Variants in SH3RF3 observed in about 807,000 individuals in gnomAD.
SH3RF3 encodes the protein E3 ubiquitin-protein ligase SH3RF3.
In SH3RF3, 29 loss-of-function variants were observed where a neutral mutation model predicts 66.3. The ratio of observed to expected loss-of-function variants is 0.44; its 90% CI spans 0.33 to 0.60. The LOEUF is 0.60. Ranked by LOEUF, SH3RF3 falls within the 20% of genes least tolerant of loss-of-function variation. The probability of loss-of-function intolerance (pLI) is 0.04; values close to 1 mark genes in which losing one functional copy is unlikely to be tolerated. For synonymous variants in SH3RF3, 583 were observed against 532.0 expected, an observed-to-expected ratio of 1.10 and a Z score of -1.32; for missense variants, 1,194 against 1,190.9, an observed-to-expected ratio of 1.00 and a Z score of -0.04.
At chr2:109,365,257 A>G (rs1181647980) in intron 2 of SH3RF3, among the ~76,000 whole-genome samples, 2 of 152,176 alleles carry the variant, frequency 1.3e-5, no homozygotes, top group African/African-American at 4.8e-5. Context: ...CTTGAGGCAC[A>G]ATTCACAAAG....
intron 1 of SH3RF3, among the ~76,000 whole-genome samples, chr2:109,268,190 C>A (rs1021329789): frequency 6.6e-6 from 1 of 152,036 alleles, no homozygotes; most frequent in Non-Finnish European, 1.5e-5. Context: ...AGGGGATGGG[C>A]AGGCTAGAAT....
At chr2:109,449,619 G>T in intron 8 of SH3RF3, 130 bp downstream of exon 8, 3 of 1,213,452 alleles carry the variant, frequency 2.5e-6, no homozygotes, top group East Asian at 2.7e-5. Context: ...GCCCCTAGAT[G>T]AACCAGGCGT....
intron 1 of SH3RF3, among the ~76,000 whole-genome samples, chr2:109,272,074 G>T (rs1002888672): frequency 6.6e-6 from 1 of 152,110 alleles, no homozygotes; most frequent in African/African-American, 2.4e-5. Context: ...TCATGGCCGG[G>T]CCTCCTGCCC....
intron 1 of SH3RF3, among the ~76,000 whole-genome samples, chr2:109,336,143 A>G (rs1416310260): frequency 6.6e-6 from 1 of 152,228 alleles, no homozygotes; most frequent in African/African-American, 2.4e-5. Flanking sequence ...AATATCTTAA[A>G]GAAAGTCAAA....
chr2:109,496,912 GAGA>G (rs1465977298), intron 9 of SH3RF3, among the ~76,000 whole-genome samples: 1 of 152,202 alleles, frequency 6.6e-6, no homozygotes, highest in Non-Finnish European at 1.5e-5. Context: ...AGAGGCAGAG[GAGA>G]AGGTCAGAGT....
At chr2:109,432,400 A>G (rs950526430) in intron 5 of SH3RF3, 101 bp from the exon 6 acceptor site, 17 of 1,462,862 alleles carry the variant, frequency 1.2e-5, no homozygotes, top group African/African-American at 2.8e-5. Context: ...GGGTCTTTTT[A>G]GGTTGGGTTC....
Position 109,493,535 on chromosome 2 carries a change from C to T in SH3RF3, c.2480+2599C>T, listed in dbSNP as rs1679184418. ...TCACACACACCATTGCATACCCACA[C>T]CCTTCACACACCATACACATACATA... On this transcript the variant is annotated intron_variant, in intron 9 of 9. Transcript: ENST00000309415. Among the ~76,000 whole-genome samples the T allele has an allele frequency of 2.7e-5, 4 of 150,902 alleles. No homozygotes were observed. In the South Asian group the frequency reaches 8.4e-4, roughly 32 times the overall value.
chr2:109,441,125 A>G (rs755429672), intron 7 of SH3RF3, among the ~76,000 whole-genome samples: 5 of 117,150 alleles, frequency 4.3e-5, no homozygotes, highest in Non-Finnish European at 9.3e-5. Context: ...GAATATTTAT[A>G]GGAATACAAA....
intron 2 of SH3RF3, among the ~76,000 whole-genome samples, chr2:109,365,181 C>A (rs1006088491): frequency 6.6e-6 from 1 of 152,200 alleles, no homozygotes; most frequent in Admixed American, 6.5e-5. Context: ...CTCTTCCCCT[C>A]CCCCTGCCAG....
At chr2:109,304,872 A>G (rs775192700) in intron 1 of SH3RF3, among the ~76,000 whole-genome samples, 10 of 152,186 alleles carry the variant, frequency 6.6e-5, no homozygotes, top group Non-Finnish European at 1.3e-4. Flanking sequence ...GAGCCACCTT[A>G]GAAGACATGG....
At chr2:109,169,453 G>A (rs1176890172) in intron 1 of SH3RF3, among the ~76,000 whole-genome samples, 2 of 152,022 alleles carry the variant, frequency 1.3e-5, no homozygotes, top group Admixed American at 6.5e-5. Flanking sequence ...GGTGGAGGAG[G>A]GTGTTGAATT....
At chr2:109,239,140 T>C (rs895199721) in intron 1 of SH3RF3, among the ~76,000 whole-genome samples, 1 of 152,190 alleles carries the variant, frequency 6.6e-6, no homozygotes, top group African/African-American at 2.4e-5. Context: ...AGCTCAGAAC[T>C]CTGTGAGCAC....
At chr2:109,338,555 A>G (rs1030559139) in intron 1 of SH3RF3, among the ~76,000 whole-genome samples, 14 of 152,028 alleles carry the variant, frequency 9.2e-5, no homozygotes, top group African/African-American at 3.4e-4. Flanking sequence ...ACCTGTGTGT[A>G]ACTTTTTATT....
At chr2:109,164,239 C>T (rs1281361655) in intron 1 of SH3RF3, among the ~76,000 whole-genome samples, 1 of 152,066 alleles carries the variant, frequency 6.6e-6, no homozygotes, top group Non-Finnish European at 1.5e-5. Flanking sequence ...AGTGCAGTAA[C>T]ATGACTGATC....
chr2:109,346,461 C>A (rs571634381), intron 1 of SH3RF3, among the ~76,000 whole-genome samples: 1 of 152,124 alleles, frequency 6.6e-6, no homozygotes, highest in Non-Finnish European at 1.5e-5. Context: ...TGAGAAAATG[C>A]GGCTTCTGGT....
chr2:109,323,386 G>T (rs1436282907), intron 1 of SH3RF3, among the ~76,000 whole-genome samples: 3 of 152,164 alleles, frequency 2.0e-5, no homozygotes, highest in African/African-American at 7.2e-5. Flanking sequence ...ACCACAATGG[G>T]CATTTGTGTA....
rs559201348 is a variant in SH3RF3, at chr2:109,263,463, G to C, written c.574-84211G>C. On this transcript the variant is annotated intron_variant, in intron 1 of 9. Coordinates refer to ENST00000309415, the MANE Select transcript of SH3RF3 (RefSeq NM_001099289.3). ...CAATCAAATAAGTAATGAAATAGTA[G>C]CTAGAATATGGAGACTTTAAAATGT... 2.6e-5 allele frequency among the ~76,000 whole-genome samples: 4 copies of C among 152,322 alleles called. No individual in the cohort carries two copies. In the East Asian group the frequency reaches 7.7e-4, roughly 29 times the overall value.
At chr2:109,427,446 A>C (rs1677059309) in intron 5 of SH3RF3, among the ~76,000 whole-genome samples, 1 of 152,310 alleles carries the variant, frequency 6.6e-6, no homozygotes, top group East Asian at 1.9e-4. Context: ...CAAACCCACG[A>C]GTATCCCACA....
chr2:109,402,231 G>T (rs1184404266), intron 4 of SH3RF3, among the ~76,000 whole-genome samples: 3 of 152,228 alleles, frequency 2.0e-5, no homozygotes, highest in Non-Finnish European at 2.9e-5. Context: ...ATGTGCGTCT[G>T]ACCAGGAAGT....
Sources: gnomAD v4.1 joint callset for allele counts (sites outside exome capture counted in the v4.1 genomes callset) on GRCh38, gnomAD v4.1.1 for gene constraint, MANE v1.5 for transcripts, NCBI Gene and HGNC (gene_info 2026-07-23, HGNC 2026-07-21) for gene names.